The following GPER1 variants were observed in gnomAD, a reference collection of about 807,000 sequenced individuals.
The protein encoded by GPER1 is G protein-coupled receptor 30.
A neutral mutation model predicts 0.6 loss-of-function variants in GPER1; 2 were observed. The ratio of observed to expected loss-of-function variants is 3.41; its 90% CI spans 1.39 to 10.72. The LOEUF is 10.72. GPER1 is among the 30% of genes most tolerant of loss of function. GPER1 has a pLI of 0.04. For synonymous variants in GPER1, 263 were observed against 247.6 expected, an observed-to-expected ratio of 1.06 and a Z score of -0.58; for missense variants, 441 against 535.2, an observed-to-expected ratio of 0.82 and a Z score of 1.74.
In GPER1 at chr7:1,093,093, G is replaced by T; in HGVS notation, c.*237G>T. ...GCTACAATCCCAAAGCGCTCGCCCC[G>T]CAGGGTCCAAAGGCCAGCGGTGACC... is the stretch of plus-strand genomic sequence containing the variant. On this transcript the variant is annotated 3_prime_UTR_variant, in exon 2 of 2. Transcript: ENST00000397088. 1.5e-6 allele frequency: 1 copy of T among 674,016 alleles called. No homozygotes were observed. 41.8% of individuals were successfully genotyped at this position (674,016 alleles called of 1,614,324 possible). A position where few individuals can be genotyped will look rare whatever the true frequency, so the allele number is the denominator to read the frequency against.
At position 1,089,127 on chromosome 7, in the gene GPER1, T is replaced by C. The variant is rs557070719; in HGVS notation, c.-323+806T>C. Reference sequence around the variant, plus strand: ...TTCTACATTTAAAGAGCAAAACAAGTCCTCTGTGCCGTTTTTAAGAAATTA... The same window carrying C: ...TTCTACATTTAAAGAGCAAAACAAGCCCTCTGTGCCGTTTTTAAGAAATTA... On this transcript the variant is annotated intron_variant, in intron 1 of 1. Coordinates refer to ENST00000397088, the MANE Select transcript of GPER1 (RefSeq NM_001098201.3). 4.6e-5 allele frequency among the ~76,000 whole-genome samples: 7 copies of C among 152,174 alleles called. No individual in the cohort carries two copies. The South Asian group carries it at 1.5e-3, about 32-fold the overall frequency.
rs1400602244 is a variant in GPER1 at position 1,091,694 on chromosome 7, T to G, written c.-35T>G. 6.8e-7 allele frequency: 1 copy of G among 1,467,304 alleles called. No individual in the cohort carries two copies. Among genetic ancestry groups the G allele is most frequent in the East Asian group, 2.3e-5 (1 of 43,606 alleles). 90.9% of individuals were successfully genotyped at this position (1,467,304 alleles called of 1,614,324 possible). Reference sequence around the variant, plus strand: ...ATTTAAAACAGAGCTCTGGGAGCCTTTCGGCAAATCTTGAAAGCTGCACGG... The same window carrying G: ...ATTTAAAACAGAGCTCTGGGAGCCTGTCGGCAAATCTTGAAAGCTGCACGG... On this transcript the variant is annotated 5_prime_UTR_variant, in exon 2 of 2. Coordinates refer to ENST00000397088, the MANE Select transcript of GPER1 (RefSeq NM_001098201.3).
At position 1,091,737 on chromosome 7, in the gene GPER1, G is replaced by T; in HGVS notation, c.9G>T (p.Val3=). Residue 3 remains valine, a synonymous_variant, in exon 2 of 2, where the codon GTG becomes GTT. Coordinates refer to ENST00000397088, the MANE Select transcript of GPER1 (RefSeq NM_001098201.3). ...CTGCACGGTGCAGAGACATGGATGT[G>T]ACTTCCCAAGCCCGGGGCGTGGGCC... MD[V]TSQARGVGLE... is the part of the protein sequence containing the mutation. The T allele has an allele frequency of 6.5e-7, 1 of 1,528,472 alleles. No individual in the cohort carries two copies. Among genetic ancestry groups the T allele is most frequent in the Non-Finnish European group, 8.8e-7 (1 of 1,137,792 alleles). The allele number at this position is 1,528,472 out of a possible 1,614,324, so 94.7% of individuals were successfully genotyped here.
Position 1,088,852 on chromosome 7 carries a change from C to T in GPER1, c.-323+531C>T, listed in dbSNP as rs997773137. ...GACGTGGGGCCAGTGGTGAATGGCA[C>T]ACTAGGTTCCTCTCACCCAGGACCA... On this transcript the variant is annotated intron_variant, in intron 1 of 1. Transcript: ENST00000397088. The surrounding 1 kb of genome is among the most constrained non-coding windows in gnomAD (Gnocchi z 4.5). Among the ~76,000 whole-genome samples the T allele has an allele frequency of 2.0e-5, 3 of 151,952 alleles. No homozygotes were observed. The highest frequency in any genetic ancestry group is 7.3e-5 in the African/African-American group (3 of 41,350).
Position 1,092,828 on chromosome 7 carries a change from CG to C in GPER1, c.1102del (p.Asp368MetfsTer2), listed in dbSNP as rs1436001520. 1 of 1,612,892 alleles carries C rather than the reference CG, an allele frequency of 6.2e-7. No homozygotes were observed. The highest frequency in any genetic ancestry group is 1.3e-5 in the African/African-American group (1 of 74,934). ...GTCATTCCAGACAGCACCGAGCAGT[CG>C]GATGTGAGGTTCAGCAGTGCCGTGT... ...KAVIPDSTEQ[S>X]DVRFSSAV On this transcript the variant is annotated frameshift_variant, in exon 2 of 2. Coordinates refer to ENST00000397088, the MANE Select transcript of GPER1 (RefSeq NM_001098201.3). LOFTEE classifies it high-confidence loss of function.
chr7:1,091,911 C>A lies in GPER1; in HGVS notation c.183C>A (p.Leu61=), dbSNP rs767235083. The change falls in exon 2 of 2, where the codon CTC becomes CTA. Residue 61 remains leucine, a synonymous_variant. Transcript: ENST00000397088. ...AGCAGTACGTGATCGGCCTGTTCCT[C>A]TCGTGCCTCTACACCATCTTCCTCT... ...EHQQYVIGLF[L]SCLYTIFLFP... 1.9e-6 allele frequency: 3 copies of A among 1,614,080 alleles called. No homozygotes were observed. Among genetic ancestry groups the A allele is most frequent in the Non-Finnish European group, 2.5e-6 (3 of 1,179,980 alleles).
Position 1,092,599 on chromosome 7 carries a change from G to A in GPER1, c.871G>A (p.Ala291Thr), listed in dbSNP as rs772203632. 6.2e-6 allele frequency: 10 copies of A among 1,611,570 alleles called. No individual in the cohort carries two copies. Among genetic ancestry groups the A allele is most frequent in the South Asian group, 2.2e-5 (2 of 91,078 alleles). ...CCTCCTGCAGCGGACGCAGCCTGGG[G>A]CCGCTCCCTGCAAGCAGTCTTTCCG... ...VHLLQRTQPGAAPCKQSFRHA... is the reference protein window; with the variant it reads ...VHLLQRTQPGTAPCKQSFRHA... The change falls in exon 2 of 2, where the codon GCC (alanine) becomes ACC (threonine). Residue 291 changes from alanine (A) to threonine (T), a missense_variant. Transcript: ENST00000397088.
rs772711029 is a variant in GPER1 at position 1,092,406 on chromosome 7, C to T, written c.678C>T (p.Pro226=). 1.2e-6 allele frequency: 2 copies of T among 1,607,064 alleles called. No homozygotes were observed. Among genetic ancestry groups the T allele is most frequent in the Admixed American group, 1.7e-5 (1 of 59,646 alleles). ...AGGTCACGCTGGGCTTCATCGTGCC[C>T]TTCGCCATCATCGGCCTGTGCTACT... ...WLEVTLGFIV[P]FAIIGLCYSL... Residue 226 remains proline (P), a synonymous_variant, in exon 2 of 2, where the codon CCC becomes CCT. Transcript: ENST00000397088.
In GPER1 at chr7:1,092,646, C is replaced by G. The variant is rs754326307; in HGVS notation, c.918C>G (p.Gly306=). 8 of 1,612,920 alleles carry G rather than the reference C, an allele frequency of 5.0e-6. No individual in the cohort carries two copies. The highest frequency in any genetic ancestry group is 5.9e-6 in the Non-Finnish European group (7 of 1,179,960). ...TCCGCCATGCCCACCCCCTCACGGG[C>G]CACATTGTCAACCTCGCCGCCTTCT... ...QSFRHAHPLT[G]HIVNLAAFSN... is the part of the protein sequence containing the mutation. Residue 306 remains glycine (G), a synonymous_variant, in exon 2 of 2, where the codon GGC becomes GGG. Coordinates refer to ENST00000397088, the MANE Select transcript of GPER1 (RefSeq NM_001098201.3).
rs1269643754 is a variant in GPER1, at chr7:1,093,495, G to A, written c.*639G>A. 4.3e-6 allele frequency: 2 copies of A among 470,482 alleles called. No individual in the cohort carries two copies. Among genetic ancestry groups the A allele is most frequent in the Non-Finnish European group, 8.8e-6 (2 of 226,972 alleles). The allele number at this position is 470,482 out of a possible 1,614,324, so 29.1% of individuals were successfully genotyped here. ...CTCACCAGGCCCACGAGGAGCAGCA[G>A]CGCTCGGCCCGGAGCAGCAGGAAGG... is the stretch of plus-strand genomic sequence containing the variant. On this transcript the variant is annotated 3_prime_UTR_variant, in exon 2 of 2. Transcript: ENST00000397088.
At position 1,091,839 on chromosome 7, in the gene GPER1, C is replaced by T. The variant is rs1428461629; in HGVS notation, c.111C>T (p.Leu37=). The T allele has an allele frequency of 1.9e-6, 3 of 1,609,422 alleles. No individual in the cohort carries two copies. The East Asian group carries it at 6.7e-5, about 36-fold the overall frequency. Residue 37 remains leucine, a synonymous_variant, in exon 2 of 2, where the codon CTC becomes CTT. Transcript: ENST00000397088. ...TSPELNLSHP[L]LGTALANGTG... is the part of the protein sequence containing the mutation. Reference sequence around the variant, plus strand: ...CCGAGCTCAACCTGTCCCACCCGCTCCTGGGCACCGCCCTGGCCAATGGGA... The same window carrying T: ...CCGAGCTCAACCTGTCCCACCCGCTTCTGGGCACCGCCCTGGCCAATGGGA...
chr7:1,091,985 G>GCTTC lies in GPER1; in HGVS notation c.259_262dup (p.Arg88LeufsTer29). On this transcript the variant is annotated frameshift_variant, in exon 2 of 2. Coordinates refer to ENST00000397088, the MANE Select transcript of GPER1 (RefSeq NM_001098201.3). LOFTEE classifies it low-confidence loss of function (END_TRUNC). ...ATCCTGATCCTGGTGGTGAACATCAGCTTCCGCGAGAAGATGACCATCCCC... is the reference window on the plus strand; with the variant it reads ...ATCCTGATCCTGGTGGTGAACATCAGCTTCCTTCCGCGAGAAGATGACCATCCCC... 6.2e-7 allele frequency: 1 copy of GCTTC among 1,614,102 alleles called. No homozygotes were observed. Among genetic ancestry groups the GCTTC allele is most frequent in the Non-Finnish European group, 8.5e-7 (1 of 1,180,018 alleles).
In GPER1 at chr7:1,091,624, C is replaced by T. The variant is rs1420081919; in HGVS notation, c.-105C>T. The stretch of plus-strand genomic sequence containing the variant: ...AGTTTCCTGTCTGACAAATGCCAGG[C>T]TCACTTCAAGGAGAATCACGCTTCT... On this transcript the variant is annotated 5_prime_UTR_variant, in exon 2 of 2. Transcript: ENST00000397088. The T allele has an allele frequency of 6.6e-6, 6 of 914,232 alleles. No individual in the cohort carries two copies. The highest frequency in any genetic ancestry group is 1.0e-5 in the Non-Finnish European group (6 of 591,608). The allele number at this position is 914,232 out of a possible 1,614,324, so 56.6% of individuals were successfully genotyped here. A position where few individuals can be genotyped will look rare whatever the true frequency, so the allele number is the denominator to read the frequency against.
intron 1 of GPER1, among the ~76,000 whole-genome samples, chr7:1,089,602 T>A (rs1241673159): frequency 6.6e-6 from 1 of 152,130 alleles, no homozygotes; most frequent in Non-Finnish European, 1.5e-5. Context: ...TGTCTTTTTT[T>A]AGTAGAGACA....
chr7:1,091,543 C>A lies in GPER1; in HGVS notation c.-186C>A. 1.7e-6 allele frequency: 1 copy of A among 590,118 alleles called. No homozygotes were observed. The highest frequency in any genetic ancestry group is 1.9e-5 in the African/African-American group (1 of 53,924). 36.6% of individuals were successfully genotyped at this position (590,118 alleles called of 1,614,324 possible). ...CCGGTGTGAGGAGCATCTGTTCTTC[C>A]CACTCTCTGCAGTTAACAAACCCAA... On this transcript the variant is annotated 5_prime_UTR_variant, in exon 2 of 2. Coordinates refer to ENST00000397088, the MANE Select transcript of GPER1 (RefSeq NM_001098201.3).
In GPER1 at chr7:1,088,203, C is replaced by A. The variant is rs1341189177; in HGVS notation, c.-441C>A. ...GGGTCTCTTCCTCTCTCTAGCCCTG[C>A]TCAGGCATTCGGCAGGTCCAGCAGA... On this transcript the variant is annotated 5_prime_UTR_variant, in exon 1 of 2. Transcript: ENST00000397088. The surrounding 1 kb of genome is among the most constrained non-coding windows in gnomAD (Gnocchi z 4.5). The A allele has an allele frequency of 6.6e-6, 1 of 152,264 alleles. No individual in the cohort carries two copies. The highest frequency in any genetic ancestry group is 1.5e-5 in the Non-Finnish European group (1 of 68,066). The allele number at this position is 152,264 out of a possible 1,614,324, so 9.4% of individuals were successfully genotyped here.
rs1295318570 is a variant in GPER1 at position 1,092,000 on chromosome 7, T to C, written c.272T>C (p.Met91Thr). The C allele has an allele frequency of 6.2e-7, 1 of 1,614,010 alleles. No homozygotes were observed. Among genetic ancestry groups the C allele is most frequent in the East Asian group, 2.2e-5 (1 of 44,894 alleles). Residue 91 changes from methionine to threonine, a missense_variant, in exon 2 of 2, where the codon ATG (methionine) becomes ACG (threonine). Met to Thr is a moderately conservative substitution (Grantham distance 81). Coordinates refer to ENST00000397088, the MANE Select transcript of GPER1 (RefSeq NM_001098201.3). ...GTGAACATCAGCTTCCGCGAGAAGA[T>C]GACCATCCCCGACCTGTACTTCATC... ...LVVNISFREK[M>T]TIPDLYFINL...
rs761757323 is a variant in GPER1 at position 1,091,908 on chromosome 7, C to T, written c.180C>T (p.Phe60=). The change falls in exon 2 of 2, where the codon TTC becomes TTT. Residue 60 remains phenylalanine (F), a synonymous_variant. Coordinates refer to ENST00000397088, the MANE Select transcript of GPER1 (RefSeq NM_001098201.3). ...SEHQQYVIGL[F]LSCLYTIFLF... ...ACCAGCAGTACGTGATCGGCCTGTT[C>T]CTCTCGTGCCTCTACACCATCTTCC... 6.2e-7 allele frequency: 1 copy of T among 1,613,986 alleles called. No individual in the cohort carries two copies. The highest frequency in any genetic ancestry group is 1.7e-5 in the Admixed American group (1 of 60,032).
rs963024744 is a variant in GPER1, at chr7:1,093,347, T to C, written c.*491T>C. 14 of 424,214 alleles carry C rather than the reference T, an allele frequency of 3.3e-5. No individual in the cohort carries two copies. Among genetic ancestry groups the C allele is most frequent in the Admixed American group, 3.3e-4 (13 of 39,394 alleles). The allele number at this position is 424,214 out of a possible 1,614,324, so 26.3% of individuals were successfully genotyped here. Reference sequence around the variant, plus strand: ...GAGCTGGACGTCGCGGTGTGTCCTCTGTGCCCACGGTCTGAGCTAGCTAGC... The same window carrying C: ...GAGCTGGACGTCGCGGTGTGTCCTCCGTGCCCACGGTCTGAGCTAGCTAGC... On this transcript the variant is annotated 3_prime_UTR_variant, in exon 2 of 2. Coordinates refer to ENST00000397088, the MANE Select transcript of GPER1 (RefSeq NM_001098201.3).
Sources: allele counts gnomAD v4.1 joint callset (sites outside exome capture counted in the v4.1 genomes callset), GRCh38; gene constraint gnomAD v4.1.1; non-coding constraint Gnocchi (gnomAD v3.1); transcripts MANE v1.5; gene names NCBI Gene and HGNC (gene_info 2026-07-23, HGNC 2026-07-21).